Variants in GUCY2C observed in about 807,000 individuals in gnomAD.
GUCY2C encodes guanylyl cyclase C.
Under a neutral mutation model 131.1 loss-of-function variants are expected in GUCY2C, and 118 were observed. The ratio of observed to expected loss-of-function variants is 0.90; its 90% CI spans 0.78 to 1.05. GUCY2C has a LOEUF of 1.05. Among genes scored for constraint, GUCY2C ranks in the 50% least tolerant of loss-of-function variants. GUCY2C has a pLI of 0.00. For missense variants in GUCY2C, 1,161 were observed against 1,304.4 expected, an observed-to-expected ratio of 0.89 and a Z score of 1.69; for synonymous variants, 452 against 457.8, an observed-to-expected ratio of 0.99 and a Z score of 0.16.
chr12:14,669,883 A>C, intron 9 of GUCY2C, 50 bp from the exon 10 acceptor site: 2 of 729,644 alleles, frequency 2.7e-6, no homozygotes, highest in Non-Finnish European at 4.7e-6. Context: ...AACATTATAG[A>C]ACAAATTATG....
At chr12:14,649,603 G>C (rs1947598739) in intron 15 of GUCY2C, among the ~76,000 whole-genome samples, 1 of 152,070 alleles carries the variant, frequency 6.6e-6, no homozygotes, top group Non-Finnish European at 1.5e-5. Flanking sequence ...TCTATGAATG[G>C]AACAATATTA....
At chr12:14,678,693 G>A (rs1004988479) in intron 6 of GUCY2C, among the ~76,000 whole-genome samples, 1 of 152,162 alleles carries the variant, frequency 6.6e-6, no homozygotes, top group Admixed American at 6.5e-5. Context: ...GAAAGATCTA[G>A]ACAGGAGCAG....
At chr12:14,650,245 T>G (rs1484580791) in intron 15 of GUCY2C, among the ~76,000 whole-genome samples, 1 of 152,116 alleles carries the variant, frequency 6.6e-6, no homozygotes, top group Non-Finnish European at 1.5e-5. Context: ...TTATTATTAT[T>G]ATTATTCATT....
chr12:14,669,099 A>G (rs1948045150), intron 10 of GUCY2C, among the ~76,000 whole-genome samples: 1 of 152,144 alleles, frequency 6.6e-6, no homozygotes, highest in African/African-American at 2.4e-5. Flanking sequence ...GCCAGTTGTC[A>G]AACCCGGTTT....
Position 14,641,222 on chromosome 12 carries a change from G to A in GUCY2C, c.1931-3C>T, listed in dbSNP as rs374669634. 11 of 1,612,832 alleles carry A rather than the reference G, an allele frequency of 6.8e-6. No individual in the cohort carries two copies. The highest frequency in any genetic ancestry group is 2.7e-5 in the African/African-American group (2 of 74,870). ...GTGCTCTGGAGCTGTCCACAGGTCT[G>A]TAAATGTAGACATTGAGATTACAAA... On this transcript the variant is annotated splice_region_variant and splice_polypyrimidine_tract_variant and intron_variant, in intron 17 of 26. Coordinates refer to ENST00000261170, the MANE Select transcript of GUCY2C (RefSeq NM_004963.4).
At chr12:14,681,271 G>T (rs1321839375) in intron 5 of GUCY2C, 85 bp downstream of exon 5, 2 of 1,193,982 alleles carry the variant, frequency 1.7e-6, no homozygotes, top group Non-Finnish European at 2.5e-6. Flanking sequence ...GCTCTGCAGT[G>T]GAGGATTTGT....
At chr12:14,623,055 A>T (rs1009178945) in intron 21 of GUCY2C, among the ~76,000 whole-genome samples, 11 of 152,210 alleles carry the variant, frequency 7.2e-5, no homozygotes, top group African/African-American at 2.7e-4. Flanking sequence ...AGAAACTGGA[A>T]GCTGGGAGGT....
chr12:14,645,042 C>T (rs903704930), intron 16 of GUCY2C, among the ~76,000 whole-genome samples, 187 bp downstream of exon 16: 1 of 151,936 alleles, frequency 6.6e-6, no homozygotes, highest in African/African-American at 2.4e-5. Context: ...GTACTTGTAC[C>T]TGGTCTTGTT....
chr12:14,626,466 G>A (rs1947020367), intron 20 of GUCY2C, among the ~76,000 whole-genome samples: 1 of 152,142 alleles, frequency 6.6e-6, no homozygotes, highest in Non-Finnish European at 1.5e-5. Flanking sequence ...GAGCAATTTG[G>A]TAAAAATATG....
At chr12:14,661,205 A>G (rs1019607339) in intron 10 of GUCY2C, 143 bp from the exon 11 acceptor site, 2 of 615,046 alleles carry the variant, frequency 3.3e-6, no homozygotes, top group Non-Finnish European at 5.8e-6. Context: ...CTCTGGTAAT[A>G]TAAGTCCTGT....
chr12:14,680,082 C>T (rs1948319983), intron 5 of GUCY2C, among the ~76,000 whole-genome samples: 1 of 150,658 alleles, frequency 6.6e-6, no homozygotes, highest in South Asian at 2.1e-4. Context: ...GTGCTTATTC[C>T]ATTATGCCAG....
At chr12:14,631,209 T>C (rs1371399724) in intron 19 of GUCY2C, among the ~76,000 whole-genome samples, 10 of 152,192 alleles carry the variant, frequency 6.6e-5, no homozygotes, top group Admixed American at 6.5e-4. Flanking sequence ...TGTTTAAAGA[T>C]TATAAATGTC....
chr12:14,639,789 G>T (rs1290539400), intron 19 of GUCY2C, 73 bp downstream of exon 19: 2 of 957,850 alleles, frequency 2.1e-6, no homozygotes, highest in African/African-American at 1.6e-5. Flanking sequence ...ATAAATTTTT[G>T]TTGTTTTAAT....
intron 19 of GUCY2C, among the ~76,000 whole-genome samples, chr12:14,634,855 A>G (rs1264633376): frequency 2.0e-5 from 3 of 152,192 alleles, no homozygotes; most frequent in Non-Finnish European, 4.4e-5. Flanking sequence ...AAACTGTAAA[A>G]AGAGACAAAG....
chr12:14,632,378 C>G (rs1412120888), intron 19 of GUCY2C, among the ~76,000 whole-genome samples: 1 of 152,122 alleles, frequency 6.6e-6, no homozygotes, highest in Non-Finnish European at 1.5e-5. Context: ...TCATAAATAT[C>G]TTAAAATACT....
At chr12:14,679,632 G>A (rs768338295) in intron 6 of GUCY2C, 25 bp downstream of exon 6, 2 of 1,080,540 alleles carry the variant, frequency 1.9e-6, no homozygotes, top group East Asian at 2.4e-5. Flanking sequence ...GAAAGGAGGA[G>A]GGTTTTTCCA....
intron 1 of GUCY2C, among the ~76,000 whole-genome samples, chr12:14,689,781 C>T (rs1456555195): frequency 6.6e-6 from 1 of 152,122 alleles, no homozygotes; most frequent in Non-Finnish European, 1.5e-5. Context: ...ATTGTTTGTT[C>T]TCAATGAATC....
At chr12:14,630,865 T>C (rs1005337685) in intron 19 of GUCY2C, among the ~76,000 whole-genome samples, 5 of 152,200 alleles carry the variant, frequency 3.3e-5, no homozygotes, top group African/African-American at 1.2e-4. Flanking sequence ...TTAAAGATGA[T>C]GCTGTTTTAG....
chr12:14,621,838 C>T, intron 22 of GUCY2C, among the ~76,000 whole-genome samples, 167 bp downstream of exon 22: 1 of 152,170 alleles, frequency 6.6e-6, no homozygotes, highest in South Asian at 2.1e-4. Flanking sequence ...TGACTTCTCA[C>T]TCCTCTAATC....
Sources: allele counts gnomAD v4.1 joint callset (sites outside exome capture counted in the v4.1 genomes callset), GRCh38; gene constraint gnomAD v4.1.1; transcripts MANE v1.5; gene names NCBI Gene and HGNC (gene_info 2026-07-23, HGNC 2026-07-21).